HTR7: variants seen among roughly 807,000 people sequenced by gnomAD.
HTR7 encodes the protein 5-hydroxytryptamine receptor 7.
A neutral mutation model predicts 34.0 loss-of-function variants in HTR7; 16 were observed. The ratio of observed to expected loss-of-function variants is 0.47; its 90% CI spans 0.32 to 0.71. The LOEUF is 0.71. Ranked by LOEUF, HTR7 falls within the 30% of genes least tolerant of loss-of-function variation. The pLI is 0.04. For missense variants in HTR7, 504 were observed against 625.5 expected (o/e 0.81, Z 2.07); for synonymous variants, 265 against 260.2 (o/e 1.02, Z -0.18).
chr10:90,808,494 G>T (rs1478149151), intron 1 of HTR7, among the ~76,000 whole-genome samples: 1 of 151,566 alleles, frequency 6.6e-6, no homozygotes, highest in East Asian at 1.9e-4. Flanking sequence ...TTATGTCCAT[G>T]CCCCGACCTC....
intron 1 of HTR7, among the ~76,000 whole-genome samples, chr10:90,850,052 A>G (rs1846474737): frequency 6.6e-6 from 1 of 152,226 alleles, no homozygotes; most frequent in African/African-American, 2.4e-5. Flanking sequence ...TAAGGGGCAA[A>G]AACACCAGAA....
intron 1 of HTR7, among the ~76,000 whole-genome samples, chr10:90,795,020 G>A (rs942883676): frequency 1.2e-4 from 18 of 152,122 alleles, no homozygotes; most frequent in African/African-American, 3.4e-4. Flanking sequence ...ACTCAGCAGC[G>A]CATGACAGTA....
chr10:90,795,643 A>G (rs1406740807), intron 1 of HTR7, among the ~76,000 whole-genome samples: 1 of 152,224 alleles, frequency 6.6e-6, no homozygotes, highest in East Asian at 1.9e-4. Context: ...GTCTCAATCA[A>G]TTTAGAAGGT....
chr10:90,840,891 C>T (rs1846319583), intron 1 of HTR7, among the ~76,000 whole-genome samples: 2 of 152,186 alleles, frequency 1.3e-5, no homozygotes, highest in Admixed American at 1.3e-4. Flanking sequence ...AATTTGGGAC[C>T]TGAACTCAGG....
At position 90,857,731 on chromosome 10, in the gene HTR7, C is replaced by A; in HGVS notation, c.-60G>T. ...GCCCCGGCCACGCGCCTCCGGCTGC[C>A]GGCCCCGGGGCTTCACCTCACCGGT... On this transcript the variant is annotated 5_prime_UTR_variant, in exon 1 of 4. Transcript: ENST00000336152. This position sits in a 1 kb window ranked among gnomAD's most constrained non-coding sequence, Gnocchi z 6.5. 7.1e-7 allele frequency: 1 copy of A among 1,400,508 alleles called. No homozygotes were observed. Among genetic ancestry groups the A allele is most frequent in the Non-Finnish European group, 9.2e-7 (1 of 1,086,014 alleles). 86.8% of individuals were successfully genotyped at this position (1,400,508 alleles called of 1,614,324 possible).
intron 1 of HTR7, among the ~76,000 whole-genome samples, chr10:90,845,943 T>C (rs2120107649): frequency 6.6e-6 from 1 of 152,332 alleles, no homozygotes; most frequent in South Asian, 2.1e-4. Flanking sequence ...TGACCAGCAC[T>C]TCAGACACAT....
chr10:90,773,824 T>C (rs1255097047), intron 1 of HTR7, among the ~76,000 whole-genome samples: 2 of 152,250 alleles, frequency 1.3e-5, no homozygotes, highest in Non-Finnish European at 1.5e-5. Context: ...TGCGTATATG[T>C]ACCACATTTC....
chr10:90,771,351 G>A (rs1192056440), intron 1 of HTR7, among the ~76,000 whole-genome samples: 1 of 152,136 alleles, frequency 6.6e-6, no homozygotes, highest in African/African-American at 2.4e-5. Flanking sequence ...CCACCAAATG[G>A]CGAGGCTAAA....
intron 1 of HTR7, among the ~76,000 whole-genome samples, chr10:90,841,925 A>C (rs1846335234): frequency 6.6e-6 from 1 of 152,140 alleles, no homozygotes; most frequent in South Asian, 2.1e-4. Flanking sequence ...ATTTGAACCC[A>C]GGAGACAGAG....
At chr10:90,781,506 G>A (rs1428873105) in intron 1 of HTR7, among the ~76,000 whole-genome samples, 1 of 152,174 alleles carries the variant, frequency 6.6e-6, no homozygotes, top group East Asian at 1.9e-4. Flanking sequence ...CATCAGAAGG[G>A]TAATACATGG....
At chr10:90,746,322 C>A (rs942017804) in intron 2 of HTR7, among the ~76,000 whole-genome samples, 1 of 152,194 alleles carries the variant, frequency 6.6e-6, no homozygotes, top group Non-Finnish European at 1.5e-5. Flanking sequence ...TATGATCTAT[C>A]TGAATTATCT....
intron 1 of HTR7, among the ~76,000 whole-genome samples, chr10:90,845,585 C>A (rs1359371572): frequency 1.3e-5 from 2 of 152,166 alleles, no homozygotes; most frequent in East Asian, 1.9e-4. Context: ...TATGAGATAC[C>A]ATGTGTCAAG....
chr10:90,760,180 T>C (rs192962719), intron 1 of HTR7, among the ~76,000 whole-genome samples: 1 of 152,150 alleles, frequency 6.6e-6, no homozygotes, highest in East Asian at 1.9e-4. Flanking sequence ...TATTCAGCCA[T>C]AAAAAGAGGG....
chr10:90,848,336 C>T (rs768212381), intron 1 of HTR7, among the ~76,000 whole-genome samples: 87 of 152,258 alleles, frequency 5.7e-4, no homozygotes, highest in Non-Finnish European at 1.0e-3. Flanking sequence ...TGCTGGCATG[C>T]TGGCATTATA....
intron 1 of HTR7, among the ~76,000 whole-genome samples, chr10:90,759,612 G>T (rs1003757613): frequency 7.3e-6 from 1 of 137,522 alleles, no homozygotes; most frequent in Non-Finnish European, 1.5e-5. Flanking sequence ...CCGAGATTGC[G>T]CCACTGCAGT....
At chr10:90,776,835 G>A (rs2119828256) in intron 1 of HTR7, among the ~76,000 whole-genome samples, 1 of 152,230 alleles carries the variant, frequency 6.6e-6, no homozygotes, top group East Asian at 1.9e-4. Context: ...TGATTACAAA[G>A]GCTACACGGT....
chr10:90,844,409 A>C (rs1846378289), intron 1 of HTR7, among the ~76,000 whole-genome samples: 2 of 152,088 alleles, frequency 1.3e-5, no homozygotes, highest in South Asian at 4.2e-4. Context: ...GGAACCATGG[A>C]TATAATCACA....
chr10:90,755,615 T>G (rs1844823616), intron 1 of HTR7, among the ~76,000 whole-genome samples: 1 of 152,176 alleles, frequency 6.6e-6, no homozygotes, highest in South Asian at 2.1e-4. Context: ...TATCAAAAGG[T>G]GTTTAACATC....
chr10:90,798,649 G>A (rs905808975), intron 1 of HTR7, among the ~76,000 whole-genome samples: 3 of 152,170 alleles, frequency 2.0e-5, no homozygotes, highest in African/African-American at 7.2e-5. Flanking sequence ...AGGAGGTTGA[G>A]GCTGTAGTGA....
Sources: gnomAD v4.1 joint callset for allele counts (sites outside exome capture counted in the v4.1 genomes callset) on GRCh38, gnomAD v4.1.1 for gene constraint, Gnocchi (gnomAD v3.1) non-coding constraint, MANE v1.5 for transcripts, NCBI Gene and HGNC (gene_info 2026-07-23, HGNC 2026-07-21) for gene names.